TANC2: variants seen among roughly 807,000 people sequenced by gnomAD.
The protein encoded by TANC2 is protein TANC2.
Under a neutral mutation model 210.5 loss-of-function variants are expected in TANC2, and 26 were observed. The observed-to-expected ratio is 0.12, with a 90% CI of 0.09 to 0.17. The LOEUF (loss-of-function observed/expected upper bound fraction) is 0.17. Among genes scored for constraint, TANC2 ranks in the 10% least tolerant of loss-of-function variants. The pLI is 1.00. For synonymous variants in TANC2, 931 were observed against 967.1 expected (o/e 0.96, Z 0.69); for missense variants, 2,129 against 2,608.9 (o/e 0.82, Z 4.01).
intron 5 of TANC2, among the ~76,000 whole-genome samples, chr17:63,179,550 A>G (rs1391957516): frequency 5.3e-5 from 8 of 152,318 alleles, no homozygotes; most frequent in South Asian, 4.1e-4. Flanking sequence ...TAATAGTACT[A>G]TCAACATTAT....
intron 19 of TANC2, 69 bp downstream of exon 19, chr17:63,398,983 A>G: frequency 2.6e-6 from 3 of 1,175,416 alleles, no homozygotes; most frequent in Non-Finnish European, 3.6e-6. Flanking sequence ...TCACCCCCTT[A>G]TTTTTTCCCT....
intron 11 of TANC2, among the ~76,000 whole-genome samples, chr17:63,339,751 A>G (rs962475443): frequency 2.6e-5 from 4 of 152,134 alleles, no homozygotes; most frequent in African/African-American, 9.7e-5. Context: ...ATACTGCTCC[A>G]TGCTGAATAA....
chr17:63,262,577 G>C (rs1304815396), intron 8 of TANC2, among the ~76,000 whole-genome samples: 1 of 151,436 alleles, frequency 6.6e-6, no homozygotes, highest in Non-Finnish European at 1.5e-5. Flanking sequence ...TCTTTCCCTG[G>C]TAGGATGTCC....
intron 5 of TANC2, among the ~76,000 whole-genome samples, chr17:63,184,990 AG>A (rs1285478748): frequency 7.2e-6 from 1 of 139,220 alleles, no homozygotes; most frequent in Non-Finnish European, 1.6e-5. Context: ...TTTTTTTTGG[AG>A]GGGGGGTTGG....
intron 7 of TANC2, among the ~76,000 whole-genome samples, chr17:63,204,507 G>A (rs536669894): frequency 2.4e-4 from 36 of 152,120 alleles, no homozygotes; most frequent in Non-Finnish European, 4.7e-4. Context: ...GCGTGAACTT[G>A]TAGTCCCAGC....
At chr17:63,116,449 C>G (rs1008127073) in intron 4 of TANC2, among the ~76,000 whole-genome samples, 1 of 152,190 alleles carries the variant, frequency 6.6e-6, no homozygotes, top group Non-Finnish European at 1.5e-5. Context: ...GACAAGAAAA[C>G]GATTGTCCAG....
intron 12 of TANC2, among the ~76,000 whole-genome samples, chr17:63,341,799 C>T (rs762811439): frequency 3.3e-5 from 5 of 152,162 alleles, no homozygotes; most frequent in Non-Finnish European, 7.3e-5. Flanking sequence ...ATTCATAATC[C>T]GCTGATTGCC....
At chr17:63,240,443 T>C (rs2146076609) in intron 8 of TANC2, among the ~76,000 whole-genome samples, 1 of 152,334 alleles carries the variant, frequency 6.6e-6, no homozygotes, top group Middle Eastern at 3.4e-3. Context: ...GTGTATCCCT[T>C]AGAACCTTTT....
At chr17:63,158,536 C>T (rs930254790) in intron 5 of TANC2, among the ~76,000 whole-genome samples, 1 of 152,282 alleles carries the variant, frequency 6.6e-6, no homozygotes, top group African/African-American at 2.4e-5. Flanking sequence ...CTGATGTTTC[C>T]ACTGCCATCC....
intron 4 of TANC2, chr17:63,120,839 A>AC (rs2038444238): frequency 6.7e-6 from 1 of 150,278 alleles, no homozygotes; most frequent in Non-Finnish European, 1.5e-5. Flanking sequence ...AAAAAAAAAA[A>AC]AACTATTCAA....
intron 7 of TANC2, among the ~76,000 whole-genome samples, chr17:63,206,932 A>G (rs762955831): frequency 1.3e-5 from 2 of 152,190 alleles, no homozygotes; most frequent in African/African-American, 4.8e-5. Context: ...ATTAATATGT[A>G]TATGGTATAG....
intron 8 of TANC2, among the ~76,000 whole-genome samples, chr17:63,243,735 A>G (rs1313280185): frequency 6.6e-6 from 1 of 152,174 alleles, no homozygotes; most frequent in Non-Finnish European, 1.5e-5. Context: ...AGTTACATGG[A>G]TTTATACTCA....
At chr17:63,374,402 T>C (rs190829131) in intron 14 of TANC2, among the ~76,000 whole-genome samples, 2 of 152,274 alleles carry the variant, frequency 1.3e-5, no homozygotes, top group Non-Finnish European at 2.9e-5. Context: ...TCTGCAAATA[T>C]ATACCCCTAT....
chr17:63,239,847 CAGAG>C (rs896537797), intron 8 of TANC2, among the ~76,000 whole-genome samples: 15 of 152,104 alleles, frequency 9.9e-5, no homozygotes, highest in Non-Finnish European at 1.0e-4. Flanking sequence ...GAGGAGGCCT[CAGAG>C]AGCATTCAAT....
chr17:63,287,105 C>A (rs1268257933), intron 9 of TANC2, among the ~76,000 whole-genome samples: 1 of 151,884 alleles, frequency 6.6e-6, no homozygotes, highest in African/African-American at 2.4e-5. Context: ...GCTAATTTTT[C>A]TATTTTTAGT....
intron 7 of TANC2, among the ~76,000 whole-genome samples, chr17:63,222,993 G>A (rs2042236822): frequency 1.3e-5 from 2 of 152,212 alleles, no homozygotes; most frequent in South Asian, 2.1e-4. Flanking sequence ...CAACATTGGC[G>A]AATCTCAGAA....
At chr17:63,228,338 T>C (rs2042381795) in intron 7 of TANC2, among the ~76,000 whole-genome samples, 1 of 152,238 alleles carries the variant, frequency 6.6e-6, no homozygotes, top group Non-Finnish European at 1.5e-5. Context: ...TGTAGCCGTC[T>C]ACTATAGTTT....
intron 7 of TANC2, among the ~76,000 whole-genome samples, chr17:63,220,903 A>G (rs983403554): frequency 2.1e-4 from 32 of 151,552 alleles, no homozygotes; most frequent in African/African-American, 7.7e-4. Context: ...TCCATACACA[A>G]AAGAAAAAAC....
intron 21 of TANC2, among the ~76,000 whole-genome samples, chr17:63,410,482 A>G (rs2048659920): frequency 6.6e-6 from 1 of 151,876 alleles, no homozygotes; most frequent in Non-Finnish European, 1.5e-5. Flanking sequence ...CTGGGGAGGG[A>G]GAAGGGGCCC....
Sources: gnomAD v4.1 joint callset for allele counts (sites outside exome capture counted in the v4.1 genomes callset) on GRCh38, gnomAD v4.1.1 for gene constraint, MANE v1.5 for transcripts, NCBI Gene and HGNC (gene_info 2026-07-23, HGNC 2026-07-21) for gene names.